Variants in FRMPD4 observed in about 807,000 individuals in gnomAD.
FRMPD4 encodes the protein FERM and PDZ domain-containing protein 4.
A neutral mutation model predicts 94.1 loss-of-function variants in FRMPD4; 22 were observed. The observed-to-expected ratio is 0.23, with a 90% CI of 0.17 to 0.33. The LOEUF is 0.33. FRMPD4 is among the 10% of genes least tolerant of loss of function. FRMPD4 has a pLI of 1.00. For synonymous variants in FRMPD4, 631 were observed against 548.6 expected (o/e 1.15, Z -2.10); for missense variants, 1,111 against 1,339.9 (o/e 0.83, Z 2.67).
At chrX:12,082,014 A>C (rs1271302673) in intron 3 of FRMPD4, among the ~76,000 whole-genome samples, 1 of 112,342 alleles carries the variant, frequency 8.9e-6, no homozygotes, top group African/African-American at 3.2e-5. Flanking sequence ...TAAACTGTTA[A>C]AGCAAAATGA....
rs140826859 is a variant in FRMPD4, at chrX:11,855,205, G to A, written c.-160-9881G>A. Reference sequence around the variant, plus strand: ...CTGGAGCTGAAGCAGGTGGGATGCAGGGCACCATGTCCTGAGGCTGCATAG... The same window carrying A: ...CTGGAGCTGAAGCAGGTGGGATGCAAGGCACCATGTCCTGAGGCTGCATAG... On this transcript the variant is annotated intron_variant, in intron 1 of 18. Transcript: ENST00000640291. Among the ~76,000 whole-genome samples the A allele has an allele frequency of 5.9e-3, 659 of 111,945 alleles. 7 individuals carry two copies. Among genetic ancestry groups the A allele is most frequent in the Admixed American group, 0.044 (467 of 10,672 alleles).
chrX:11,930,537 GGAA>G (rs1347709122), intron 3 of FRMPD4, among the ~76,000 whole-genome samples: 2 of 111,305 alleles, frequency 1.8e-5, no homozygotes, highest in East Asian at 5.7e-4. Flanking sequence ...AAAGAGGCAA[GGAA>G]GAATTCTCCT....
At chrX:12,166,660 G>A (rs1411332702) in intron 1 of FRMPD4, among the ~76,000 whole-genome samples, 9 of 111,185 alleles carry the variant, frequency 8.1e-5, no homozygotes, top group Admixed American at 2.9e-4. Flanking sequence ...GGTAGAATTC[G>A]GCTGTGAATC....
chrX:12,287,034 CA>C (rs1247081031), intron 1 of FRMPD4, among the ~76,000 whole-genome samples: 3 of 111,768 alleles, frequency 2.7e-5, no homozygotes, highest in African/African-American at 9.8e-5. Context: ...ATAGCTGGGG[CA>C]AGATGCAAGA....
At chrX:12,272,899 T>A (rs1364338450) in intron 1 of FRMPD4, among the ~76,000 whole-genome samples, 1 of 110,511 alleles carries the variant, frequency 9.0e-6, no homozygotes, top group Non-Finnish European at 1.9e-5. Flanking sequence ...TGAAACCCTG[T>A]CTCTACTAAA....
At chrX:12,100,202 A>G (rs2055242908) in intron 3 of FRMPD4, among the ~76,000 whole-genome samples, 1 of 112,276 alleles carries the variant, frequency 8.9e-6, no homozygotes, top group South Asian at 3.7e-4. Context: ...CTAATCTTAG[A>G]TAGAATCTCT....
chrX:11,895,410 A>T (rs909234998), intron 3 of FRMPD4, among the ~76,000 whole-genome samples: 2 of 111,549 alleles, frequency 1.8e-5, no homozygotes, highest in Admixed American at 1.9e-4. Context: ...GCTTCAGAAC[A>T]TTAATGAAAA....
intron 3 of FRMPD4, among the ~76,000 whole-genome samples, chrX:12,126,648 G>A (rs17255719): frequency 0.034 from 3,787 of 111,353 alleles, 57 homozygotes; most frequent in Admixed American, 0.091. Flanking sequence ...TAAGGAACAA[G>A]TAGACCAGTC....
At chrX:12,500,105 A>G (rs944343267) in intron 2 of FRMPD4, among the ~76,000 whole-genome samples, 4 of 111,543 alleles carry the variant, frequency 3.6e-5, no homozygotes. Flanking sequence ...CTCCAACCTG[A>G]GCAAAATATC....
chrX:12,136,937 A>AC (rs1832625193), upstream of FRMPD4, among the ~76,000 whole-genome samples: 4 of 110,395 alleles, frequency 3.6e-5, no homozygotes, highest in South Asian at 8.0e-4. Context: ...ACACACACAC[A>AC]AAACATCTTT....
intron 2 of FRMPD4, among the ~76,000 whole-genome samples, chrX:12,546,047 G>A (rs781151417): frequency 5.3e-5 from 6 of 112,416 alleles, no homozygotes; most frequent in Non-Finnish European, 9.4e-5. Flanking sequence ...TTGAGCTACA[G>A]TTTCAATGTC....
At position 12,384,017 on chromosome X, in the gene FRMPD4, G is replaced by T. The variant is rs777432035; in HGVS notation, c.42-114663G>T. Among the ~76,000 whole-genome samples the T allele has an allele frequency of 2.7e-5, 3 of 111,258 alleles. No individual in the cohort carries two copies. In the East Asian group the frequency reaches 8.5e-4, roughly 31 times the overall value. On this transcript the variant is annotated intron_variant, in intron 1 of 16. Coordinates refer to ENST00000675598, the MANE Select transcript of FRMPD4 (RefSeq NM_001368397.1). ...GGATGCCAGAACTGGAAGTAAAATT[G>T]TTTCTAACTCATCACCTTGGCATGC...
At chrX:11,863,474 G>T (rs1250688015) in intron 1 of FRMPD4, among the ~76,000 whole-genome samples, 1 of 110,805 alleles carries the variant, frequency 9.0e-6, no homozygotes, top group African/African-American at 3.3e-5. Context: ...AGGAGACTTT[G>T]GTGGGAACTG....
chrX:12,505,234 T>C (rs986885642), intron 2 of FRMPD4, among the ~76,000 whole-genome samples: 1 of 111,757 alleles, frequency 8.9e-6, no homozygotes, highest in East Asian at 2.8e-4. Context: ...ACCTCTTCTT[T>C]CTAGATTGAG....
At chrX:12,691,426 G>A (rs2060079739) in intron 8 of FRMPD4, among the ~76,000 whole-genome samples, 1 of 111,030 alleles carries the variant, frequency 9.0e-6, no homozygotes. Flanking sequence ...GGGATTACAG[G>A]AATGAGCCCC....
chrX:12,370,387 C>T (rs1481523797), intron 1 of FRMPD4, among the ~76,000 whole-genome samples: 1 of 112,151 alleles, frequency 8.9e-6, no homozygotes, highest in Non-Finnish European at 1.9e-5. Flanking sequence ...AAGCAAAAGC[C>T]CCATCAATTG....
At chrX:12,452,552 T>C (rs6640995) in intron 1 of FRMPD4, among the ~76,000 whole-genome samples, 42,960 of 110,904 alleles carry the variant, frequency 0.39, 7,003 homozygotes, top group South Asian at 0.7. Context: ...TCTGTCAGCA[T>C]TATCATTTCT....
intron 3 of FRMPD4, among the ~76,000 whole-genome samples, chrX:12,082,376 T>C (rs1601924827): frequency 2.7e-5 from 3 of 112,206 alleles, no homozygotes; most frequent in East Asian, 2.8e-4. Flanking sequence ...TTTCTCTTGC[T>C]ACTACCATGT....
At chrX:11,909,140 T>C (rs1358805433) in intron 3 of FRMPD4, among the ~76,000 whole-genome samples, 1 of 112,088 alleles carries the variant, frequency 8.9e-6, no homozygotes, top group Admixed American at 9.4e-5. Context: ...TTTTTTCTTC[T>C]TTAAATATGT....
Sources: gnomAD v4.1 joint callset for allele counts (sites outside exome capture counted in the v4.1 genomes callset) on GRCh38, gnomAD v4.1.1 for gene constraint, MANE v1.5 for transcripts, NCBI Gene and HGNC (gene_info 2026-07-23, HGNC 2026-07-21) for gene names.